CLEC4M: variants seen among roughly 807,000 people sequenced by gnomAD.
The protein encoded by CLEC4M is C-type lectin domain family 4 member M.
Under a neutral mutation model 39.1 loss-of-function variants are expected in CLEC4M, and 25 were observed. The observed-to-expected ratio is 0.64, with a 90% CI of 0.47 to 0.89. The LOEUF (loss-of-function observed/expected upper bound fraction) is 0.89. Among genes scored for constraint, CLEC4M ranks in the 40% least tolerant of loss-of-function variants. CLEC4M has a pLI of 0.00. For synonymous variants in CLEC4M, 155 were observed against 177.4 expected (o/e 0.87, Z 1.00); for missense variants, 353 against 431.4 (o/e 0.82, Z 1.61).
At position 7,765,821 on chromosome 19, in the gene CLEC4M, A is replaced by C; in HGVS notation, c.398A>C (p.Gln133Pro). Reference protein sequence around the residue: ...VGELPEKSKLQEIYQELTRLK... With the variant: ...VGELPEKSKLPEIYQELTRLK... ...GAGTTGCCAGAGAAATCCAAGCTGC[A>C]GGAGATCTACCAGGAGCTGACCCGG... The change falls in exon 4 of 7, where the codon CAG becomes CCG. Residue 133 changes from glutamine (Q) to proline (P), a missense_variant. Gln to Pro is a moderately conservative substitution (Grantham distance 76). This residue lies in a region of CLEC4M where 18 missense variants were observed against 77.1 expected (regional missense o/e 0.23). Coordinates refer to ENST00000327325, the MANE Select transcript of CLEC4M (RefSeq NM_014257.5). The C allele has an allele frequency of 6.3e-7, 1 of 1,597,470 alleles. No homozygotes were observed. Among genetic ancestry groups the C allele is most frequent in the East Asian group, 2.2e-5 (1 of 44,572 alleles).
intron 5 of CLEC4M, 124 bp from the exon 6 acceptor site, chr19:7,767,392 A>C: frequency 1.5e-6 from 1 of 680,990 alleles, no homozygotes; most frequent in South Asian, 1.8e-5. Context: ...GAGGAGGCTC[A>C]GGACCTGCTA....
At chr19:7,766,283 C>G in intron 4 of CLEC4M, 76 bp downstream of exon 4, 1 of 1,583,006 alleles carries the variant, frequency 6.3e-7, no homozygotes, top group South Asian at 1.1e-5. Flanking sequence ...AGTTACCAAC[C>G]CTGCCTGAGC....
chr19:7,766,752 C>T lies in CLEC4M; in HGVS notation c.881C>T (p.Thr294Ile). The change falls in exon 5 of 7, where the codon ACC (threonine) becomes ATC (isoleucine). Residue 294 changes from threonine to isoleucine, a missense_variant. Transcript: ENST00000327325. ...NSQRNWHDSV[T>I]ACQEVRAQLV... ...CAGCGGAACTGGCACGACTCCGTCA[C>T]CGCCTGCCAGGAAGTGAGGGCCCAG... 1 of 1,614,244 alleles carries T rather than the reference C, an allele frequency of 6.2e-7. No homozygotes were observed. Among genetic ancestry groups the T allele is most frequent in the Non-Finnish European group, 8.5e-7 (1 of 1,180,044 alleles).
At chr19:7,767,001 T>A in intron 5 of CLEC4M, 194 bp downstream of exon 5, 1 of 979,898 alleles carries the variant, frequency 1.0e-6, no homozygotes, top group Non-Finnish European at 1.5e-6. Context: ...TGTGAATATT[T>A]GGGGGAAACG....
At position 7,766,719 on chromosome 19, in the gene CLEC4M, C is replaced by G; in HGVS notation, c.848C>G (p.Ser283Cys). The change falls in exon 5 of 7, where the codon TCT (serine) becomes TGT (cysteine). Residue 283 changes from serine to cysteine, a missense_variant. Transcript: ENST00000327325. ...TTCCAAGGAAACTGTTACTTCATGT[C>G]TAACTCCCAGCGGAACTGGCACGAC... ...TFFQGNCYFM[S>C]NSQRNWHDSV... 1 of 1,614,260 alleles carries G rather than the reference C, an allele frequency of 6.2e-7. No individual in the cohort carries two copies. The highest frequency in any genetic ancestry group is 8.5e-7 in the Non-Finnish European group (1 of 1,180,044).
intron 4 of CLEC4M, chr19:7,766,411 T>C (rs1042472410): frequency 5.5e-6 from 8 of 1,455,352 alleles, no homozygotes; most frequent in Non-Finnish European, 7.2e-6. Context: ...TGCCTTCTGT[T>C]CTGAGCTCTA....
chr19:7,765,953 A>G lies in CLEC4M; in HGVS notation c.530A>G (p.Lys177Arg), dbSNP rs2034248172. Residue 177 changes from lysine to arginine, a missense_variant, in exon 4 of 7, where the codon AAG becomes AGG. Physicochemically the swap from Lys to Arg is conservative, Grantham distance 26. Around this residue, in one of 4 missense-constraint regions of CLEC4M, gnomAD observed 18 missense variants for 77.1 expected, o/e 0.23. Coordinates refer to ENST00000327325, the MANE Select transcript of CLEC4M (RefSeq NM_014257.5). The stretch of plus-strand genomic sequence containing the variant: ...GTGGGTGAGTTGCCAGAGAAATCCA[A>G]GCTGCAGGAGATCTACCAGGAGCTG... ...AAVGELPEKS[K>R]LQEIYQELTR... The G allele has an allele frequency of 2.1e-6, 1 of 475,360 alleles. No individual in the cohort carries two copies. The highest frequency in any genetic ancestry group is 4.6e-5 in the Admixed American group (1 of 21,812). 29.4% of individuals were successfully genotyped at this position (475,360 alleles called of 1,614,324 possible).
Position 7,766,582 on chromosome 19 carries a change from G to T in CLEC4M, c.785-74G>T, listed in dbSNP as rs1297720250. ...CAAGGAAGGGCCCTGATTTTCAAGG[G>T]CTTGAAGGCTGGGCAGATATGGGAA... On this transcript the variant is annotated intron_variant, in intron 4 of 6. Transcript: ENST00000327325. The T allele has an allele frequency of 2.5e-6, 4 of 1,599,954 alleles. No homozygotes were observed. In the South Asian group the frequency reaches 4.5e-5, roughly 18 times the overall value.
intron 6 of CLEC4M, 65 bp downstream of exon 6, chr19:7,767,693 C>A: frequency 2.1e-6 from 3 of 1,439,372 alleles, no homozygotes; most frequent in Non-Finnish European, 2.9e-6. Context: ...CTGACTTGAG[C>A]TTTCCCTGGG....
chr19:7,766,364 C>T, intron 4 of CLEC4M, 157 bp downstream of exon 4: 1 of 1,480,812 alleles, frequency 6.8e-7, no homozygotes, highest in Non-Finnish European at 8.9e-7. Flanking sequence ...TCACAGTGGG[C>T]CAGGCACACA....
At chr19:7,768,677 C>T (rs1343156055) in intron 6 of CLEC4M, 161 bp from the exon 7 acceptor site, 3 of 703,406 alleles carry the variant, frequency 4.3e-6, no homozygotes, top group Non-Finnish European at 6.7e-6. Flanking sequence ...GAGGCAGGAA[C>T]TGAAGGCAAC....
chr19:7,763,564 C>A, intron 2 of CLEC4M, 88 bp downstream of exon 2: 1 of 1,122,714 alleles, frequency 8.9e-7, no homozygotes. Context: ...GTCTGGAATC[C>A]TGGGTTCTGG....
At chr19:7,765,567 A>G (rs777953243) in intron 3 of CLEC4M, 71 bp from the exon 4 acceptor site, 24 of 1,600,340 alleles carry the variant, frequency 1.5e-5, no homozygotes, top group Non-Finnish European at 2.0e-5. Flanking sequence ...TGATGTCTCT[A>G]TGGGGCTCAG....
chr19:7,765,710 T>C lies in CLEC4M; in HGVS notation c.287T>C (p.Leu96Pro). Residue 96 changes from leucine to proline, a missense_variant, in exon 4 of 7, where the codon CTT becomes CCT. Leu to Pro is a moderately conservative substitution (Grantham distance 98). Around this residue, in one of 4 missense-constraint regions of CLEC4M, gnomAD observed 48 missense variants for 64.8 expected, o/e 0.74. Coordinates refer to ENST00000327325, the MANE Select transcript of CLEC4M (RefSeq NM_014257.5). ...GCAATCTACCAGAACCTGACCCAGC[T>C]TAAAGCTGCAGTGGGTGAGCTCTCA... ...QDAIYQNLTQ[L>P]KAAVGELSEK... The C allele has an allele frequency of 6.2e-7, 1 of 1,614,260 alleles. No homozygotes were observed. The highest frequency in any genetic ancestry group is 8.5e-7 in the Non-Finnish European group (1 of 1,180,054).
rs1016204445 is a variant in CLEC4M at position 7,763,330 on chromosome 19, C to T, written c.46+18C>T. On this transcript the variant is annotated intron_variant, in intron 1 of 6. Coordinates refer to ENST00000327325, the MANE Select transcript of CLEC4M (RefSeq NM_014257.5). ...CCTCCTGGGTAAGGCTGGGTTGGAACTCTGGGATCCTGGGTAAGGGGAAGG... is the reference window on the plus strand; with the variant it reads ...CCTCCTGGGTAAGGCTGGGTTGGAATTCTGGGATCCTGGGTAAGGGGAAGG... 1.9e-6 allele frequency: 3 copies of T among 1,611,712 alleles called. No homozygotes were observed. Among genetic ancestry groups the T allele is most frequent in the Admixed American group, 3.3e-5 (2 of 59,742 alleles).
rs755858867 is a variant in CLEC4M, at chr19:7,765,197, A to G, written c.143A>G (p.His48Arg). 1.2e-5 allele frequency: 20 copies of G among 1,614,090 alleles called. No homozygotes were observed. Among genetic ancestry groups the G allele is most frequent in the Admixed American group, 1.7e-5 (1 of 60,014 alleles). ...GHKSSTGCLGHGALVLQLLSF... is the reference protein window; with the variant it reads ...GHKSSTGCLGRGALVLQLLSF... ...TATCCTCTCTCAGGGTGTCTTGGCC[A>G]TGGCGCCCTGGTGCTGCAACTCCTC... The change falls in exon 3 of 7, where the codon CAT becomes CGT. Residue 48 changes from histidine (H) to arginine (R), a missense_variant. This residue lies in a region of CLEC4M where 91 missense variants were observed against 77.8 expected (regional missense o/e 1.17). Transcript: ENST00000327325.
chr19:7,766,598 G>C, intron 4 of CLEC4M, 58 bp from the exon 5 acceptor site: 2 of 1,608,868 alleles, frequency 1.2e-6, no homozygotes, highest in Non-Finnish European at 1.7e-6. Context: ...AGGCTGGGCA[G>C]ATATGGGAAT....
rs769610264 is a variant in CLEC4M at position 7,763,399 on chromosome 19, A to G, written c.53A>G (p.Asp18Gly). 3 of 1,614,112 alleles carry G rather than the reference A, an allele frequency of 1.9e-6. No individual in the cohort carries two copies. The highest frequency in any genetic ancestry group is 2.5e-6 in the Non-Finnish European group (3 of 1,179,994). Residue 18 changes from aspartate to glycine, a missense_variant, in exon 2 of 7, where the codon GAT (aspartate) becomes GGT (glycine). By Grantham distance (94) the Asp-to-Gly change is moderately conservative. Transcript: ENST00000327325. The stretch of plus-strand genomic sequence containing the variant: ...CTGATGTCTGTCAATTCAGAAGAAG[A>G]TCCAACAACCAGTGGCATCAGACTT... ...RVQQLGLLEEDPTTSGIRLFP... is the reference protein window; with the variant it reads ...RVQQLGLLEEGPTTSGIRLFP...
At chr19:7,763,674 C>G (rs1429845721) in intron 2 of CLEC4M, among the ~76,000 whole-genome samples, 198 bp downstream of exon 2, 1 of 151,634 alleles carries the variant, frequency 6.6e-6, no homozygotes, top group African/African-American at 2.4e-5. Context: ...GGCTTGGGTT[C>G]CTGGGGCCTG....
Sources: allele counts gnomAD v4.1 joint callset (sites outside exome capture counted in the v4.1 genomes callset), GRCh38; gene constraint gnomAD v4.1.1; regional missense constraint gnomAD v4.1.1; transcripts MANE v1.5; gene names NCBI Gene and HGNC (gene_info 2026-07-23, HGNC 2026-07-21).